Variants in AP1G1 observed in about 807,000 individuals in gnomAD.
The protein encoded by AP1G1 is AP-1 complex subunit gamma-1.
AP1G1 carries 7 observed loss-of-function variants against 108.3 expected under a neutral mutation model. That is an observed-to-expected ratio of 0.06 (90% CI 0.04 to 0.12). The LOEUF (loss-of-function observed/expected upper bound fraction) is 0.12. Ranked by LOEUF, AP1G1 falls within the 10% of genes least tolerant of loss-of-function variation. The pLI is 1.00. For missense variants in AP1G1, 756 were observed against 1,010.7 expected, an observed-to-expected ratio of 0.75 and a Z score of 3.42; for synonymous variants, 379 against 353.5, an observed-to-expected ratio of 1.07 and a Z score of -0.81.
At chr16:71,770,537 G>C (rs2031529740) in intron 5 of AP1G1, among the ~76,000 whole-genome samples, 1 of 152,222 alleles carries the variant, frequency 6.6e-6, no homozygotes, top group Non-Finnish European at 1.5e-5. Flanking sequence ...TAGTGCAGTG[G>C]TACAATCTTG....
At chr16:71,794,835 CTTTTT>C (rs55761928) in intron 1 of AP1G1, among the ~76,000 whole-genome samples, 1,170 of 39,636 alleles carry the variant, frequency 0.03, 6 homozygotes, top group South Asian at 0.06. Context: ...ATGAGAAGTG[CTTTTT>C]TTTTTTTTTT....
At chr16:71,790,459 G>A (rs1020250161) in intron 1 of AP1G1, among the ~76,000 whole-genome samples, 2 of 151,724 alleles carry the variant, frequency 1.3e-5, no homozygotes, top group African/African-American at 2.4e-5. Flanking sequence ...CCCAGGAGGT[G>A]GAGGTTTCAG....
intron 2 of AP1G1, among the ~76,000 whole-genome samples, chr16:71,783,042 C>A (rs1188792139): frequency 6.6e-6 from 1 of 152,078 alleles, no homozygotes; most frequent in Non-Finnish European, 1.5e-5. Flanking sequence ...GTCATTAATT[C>A]TAAGGCTTTT....
At chr16:71,751,708 C>T (rs1464071023) in intron 13 of AP1G1, among the ~76,000 whole-genome samples, 2 of 152,140 alleles carry the variant, frequency 1.3e-5, no homozygotes, top group African/African-American at 2.4e-5. Context: ...CATTCAACAG[C>T]AGCAGAATAC....
intron 10 of AP1G1, 53 bp downstream of exon 10, chr16:71,761,459 A>G: frequency 7.8e-7 from 1 of 1,281,496 alleles, no homozygotes; most frequent in Non-Finnish European, 1.1e-6. Flanking sequence ...AATCGCTCTT[A>G]AAATACTGGG....
intron 17 of AP1G1, among the ~76,000 whole-genome samples, chr16:71,746,262 G>A (rs1222208635): frequency 1.3e-5 from 2 of 151,998 alleles, no homozygotes; most frequent in East Asian, 1.9e-4. Context: ...TGCCCGCCTC[G>A]GCCTCCCAAA....
rs2045467282 is a variant in AP1G1 at position 71,730,597 on chromosome 16, C to A, written c.*2461G>T. 6.6e-6 allele frequency: 1 copy of A among 152,614 alleles called. No individual in the cohort carries two copies. The highest frequency in any genetic ancestry group is 6.5e-5 in the Admixed American group (1 of 15,272). The allele number at this position is 152,614 out of a possible 1,614,324, so 9.5% of individuals were successfully genotyped here. A position where few individuals can be genotyped will look rare whatever the true frequency, so the allele number is the denominator to read the frequency against. On this transcript the variant is annotated 3_prime_UTR_variant, in exon 23 of 23. Transcript: ENST00000299980. The stretch of plus-strand genomic sequence containing the variant: ...GCTGCAAGGCCAAGTGAGAGGAAAA[C>A]TAATTCTGATCCTAGAAACTAAGGC...
chr16:71,804,891 C>T (rs1419720062), intron 1 of AP1G1, among the ~76,000 whole-genome samples: 1 of 152,038 alleles, frequency 6.6e-6, no homozygotes, highest in African/African-American at 2.4e-5. Context: ...GCCTACAGTC[C>T]CAGCTACTTA....
chr16:71,773,906 G>A (rs1329050816), intron 3 of AP1G1, among the ~76,000 whole-genome samples: 1 of 145,698 alleles, frequency 6.9e-6, no homozygotes, highest in Non-Finnish European at 1.5e-5. Context: ...GGGACTACAG[G>A]CGCACGCCAC....
chr16:71,783,605 C>T (rs1445922323), intron 2 of AP1G1, among the ~76,000 whole-genome samples: 1 of 151,836 alleles, frequency 6.6e-6, no homozygotes, highest in African/African-American at 2.4e-5. Flanking sequence ...TTTAGAGAAG[C>T]TAAAGAAGTG....
Position 71,732,779 on chromosome 16 carries a change from T to C in AP1G1, c.*279A>G, listed in dbSNP as rs574297350. The C allele has an allele frequency of 6.4e-6, 2 of 314,066 alleles. No individual in the cohort carries two copies. The highest frequency in any genetic ancestry group is 5.9e-6 in the Non-Finnish European group (1 of 169,926). 19.5% of individuals were successfully genotyped at this position (314,066 alleles called of 1,614,324 possible). A position where few individuals can be genotyped will look rare whatever the true frequency, so the allele number is the denominator to read the frequency against. On this transcript the variant is annotated 3_prime_UTR_variant, in exon 23 of 23. Transcript: ENST00000299980. ...TCAGGGGCCCAGGGAATGTTGATTC[T>C]GGCTGTAAATGTGGGAGGGGTGGAG...
In AP1G1 at chr16:71,745,537, C is replaced by A. The variant is rs756606786; in HGVS notation, c.1808G>T (p.Gly603Val). 7 of 1,614,174 alleles carry A rather than the reference C, an allele frequency of 4.3e-6. No individual in the cohort carries two copies. The highest frequency in any genetic ancestry group is 5.9e-6 in the Non-Finnish European group (7 of 1,180,042). Residue 603 changes from glycine (G) to valine (V), a missense_variant, in exon 18 of 23, where the codon GGA becomes GTA. By Grantham distance (109) the Gly-to-Val change is moderately radical. Transcript: ENST00000299980. ...CTCTAGTGGAGCTGGTTCTGTCTCT[C>A]CATTTGTCTGCACAATCTCAGTAGG... ...NGPTEIVQTNGETEPAPLETK... is the reference protein window; with the variant it reads ...NGPTEIVQTNVETEPAPLETK...
intron 1 of AP1G1, among the ~76,000 whole-genome samples, chr16:71,798,744 C>T (rs1391617301): frequency 2.0e-5 from 3 of 151,674 alleles, no homozygotes; most frequent in African/African-American, 7.3e-5. Context: ...AAAAATTAGC[C>T]GGGCATGGTG....
intron 12 of AP1G1, 47 bp downstream of exon 12, chr16:71,755,972 A>C: frequency 6.3e-7 from 1 of 1,579,646 alleles, no homozygotes; most frequent in Non-Finnish European, 8.6e-7. Flanking sequence ...GACACTTCCA[A>C]AAGTTCCAAG....
intron 21 of AP1G1, among the ~76,000 whole-genome samples, chr16:71,736,783 C>A (rs1200832546): frequency 1.4e-5 from 2 of 139,138 alleles, no homozygotes; most frequent in Non-Finnish European, 3.1e-5. Flanking sequence ...TTAGTAGAGA[C>A]GGGGTTTCAC....
At chr16:71,766,600 T>C (rs1029211918) in intron 6 of AP1G1, among the ~76,000 whole-genome samples, 3 of 152,204 alleles carry the variant, frequency 2.0e-5, no homozygotes, top group African/African-American at 4.8e-5. Flanking sequence ...ATTCCATCTC[T>C]TTTGCAGGCA....
chr16:71,779,172 T>C (rs889724662), intron 2 of AP1G1, among the ~76,000 whole-genome samples: 1 of 152,128 alleles, frequency 6.6e-6, no homozygotes, highest in South Asian at 2.1e-4. Flanking sequence ...TTGTAACAAA[T>C]ACAGTGCCTG....
At chr16:71,768,131 GTCT>G (rs1186716187) in intron 6 of AP1G1, among the ~76,000 whole-genome samples, 3 of 141,682 alleles carry the variant, frequency 2.1e-5, no homozygotes, top group Non-Finnish European at 4.5e-5. Flanking sequence ...CCAAAGAACA[GTCT>G]TCTTCTGAGT....
chr16:71,745,468 G>C lies in AP1G1; in HGVS notation c.1872+5C>G. 1.2e-6 allele frequency: 2 copies of C among 1,614,146 alleles called. No homozygotes were observed. Among genetic ancestry groups the C allele is most frequent in the East Asian group, 2.2e-5 (1 of 44,890 alleles). ...CCCCAGATGAGCAAGTGAAAGGCTG[G>C]CTACCTGGCTGGTGGGCTGTGGCCC... On this transcript the variant is annotated splice_donor_5th_base_variant and intron_variant, in intron 18 of 22. Coordinates refer to ENST00000299980, the MANE Select transcript of AP1G1 (RefSeq NM_001128.6).
Sources: allele counts gnomAD v4.1 joint callset (sites outside exome capture counted in the v4.1 genomes callset), GRCh38; gene constraint gnomAD v4.1.1; transcripts MANE v1.5; gene names NCBI Gene and HGNC (gene_info 2026-07-23, HGNC 2026-07-21).